CD2AP: variants seen among roughly 807,000 people sequenced by gnomAD.
CD2AP encodes the protein CD2-associated protein.
Under a neutral mutation model 85.1 loss-of-function variants are expected in CD2AP, and 46 were observed. That is an observed-to-expected ratio of 0.54 (90% confidence interval 0.43 to 0.69). The LOEUF is 0.69. Among genes scored for constraint, CD2AP ranks in the 30% least tolerant of loss-of-function variants. CD2AP has a pLI of 0.00. For missense variants in CD2AP, 769 were observed against 729.5 expected (o/e 1.05, Z -0.62); for synonymous variants, 255 against 252.9 (o/e 1.01, Z -0.08).
At chr6:47,581,946 T>G in intron 10 of CD2AP, 57 bp from the exon 11 acceptor site, 1 of 1,102,588 alleles carries the variant, frequency 9.1e-7, no homozygotes, top group Non-Finnish European at 1.4e-6. Context: ...AGAAGTGTAA[T>G]TGTCTCTGTG....
rs948956063 is a variant in CD2AP at position 47,582,005 on chromosome 6, C to T, written c.1048C>T (p.Pro350Ser). The T allele has an allele frequency of 2.4e-5, 38 of 1,601,026 alleles. No individual in the cohort carries two copies. Among genetic ancestry groups the T allele is most frequent in the Non-Finnish European group, 3.2e-5 (37 of 1,168,328 alleles). ...AGTATTAATGTTTTTTCCCATAGCTCCAAAGCCTGAACTGATAGCTGCAGA... is the reference window on the plus strand; with the variant it reads ...AGTATTAATGTTTTTTCCCATAGCTTCAAAGCCTGAACTGATAGCTGCAGA... ...KPPPPAKAPA[P>S]KPELIAAEKK... Residue 350 changes from proline (P) to serine (S), a missense_variant and splice_region_variant, in exon 11 of 18, where the codon CCA becomes TCA. By Grantham distance (74) the Pro-to-Ser change is moderately conservative. Coordinates refer to ENST00000359314, the MANE Select transcript of CD2AP (RefSeq NM_012120.3).
chr6:47,527,435 T>C (rs1253791613), intron 2 of CD2AP, among the ~76,000 whole-genome samples: 2 of 152,216 alleles, frequency 1.3e-5, no homozygotes, highest in African/African-American at 2.4e-5. Flanking sequence ...ATCAAGAATT[T>C]GGTGAAAGAA....
At chr6:47,563,024 A>G (rs920397414) in intron 5 of CD2AP, 1 of 350,812 alleles carries the variant, frequency 2.9e-6, no homozygotes, top group African/African-American at 2.1e-5. Context: ...AGAAATGAAC[A>G]AATAAAACTT....
At position 47,533,675 on chromosome 6, in the gene CD2AP, G is replaced by A; in HGVS notation, c.239G>A (p.Ser80Asn). ...IKRERHGNVA[S>N]LVQRISTYGL... is the part of the protein sequence containing the mutation. Reference sequence around the variant, plus strand: ...CGGGAAAGGCATGGGAATGTAGCAAGTCTTGTACAACGAATAAGCACCTAT... The same window carrying A: ...CGGGAAAGGCATGGGAATGTAGCAAATCTTGTACAACGAATAAGCACCTAT... The change falls in exon 3 of 18, where the codon AGT becomes AAT. Residue 80 changes from serine (S) to asparagine (N), a missense_variant. Transcript: ENST00000359314. The A allele has an allele frequency of 6.2e-7, 1 of 1,614,138 alleles. No individual in the cohort carries two copies. Among genetic ancestry groups the A allele is most frequent in the Non-Finnish European group, 8.5e-7 (1 of 1,179,998 alleles).
At chr6:47,593,118 T>C (rs1768846762) in intron 11 of CD2AP, among the ~76,000 whole-genome samples, 1 of 152,142 alleles carries the variant, frequency 6.6e-6, no homozygotes, top group Non-Finnish European at 1.5e-5. Context: ...TGGTGCCAGA[T>C]AATTGGTTGT....
At chr6:47,590,586 G>T (rs1431851850) in intron 11 of CD2AP, among the ~76,000 whole-genome samples, 1 of 152,094 alleles carries the variant, frequency 6.6e-6, no homozygotes, top group African/African-American at 2.4e-5. Context: ...CGCATATGAG[G>T]AGAGCCAACT....
At chr6:47,502,796 C>G (rs2113980743) in intron 1 of CD2AP, among the ~76,000 whole-genome samples, 1 of 152,024 alleles carries the variant, frequency 6.6e-6, no homozygotes, top group South Asian at 2.1e-4. Flanking sequence ...CTGGCCTGAA[C>G]TCCTGAGTTT....
intron 4 of CD2AP, among the ~76,000 whole-genome samples, chr6:47,553,073 G>T: frequency 6.6e-6 from 1 of 151,156 alleles, no homozygotes; most frequent in Non-Finnish European, 1.5e-5. Flanking sequence ...CTCTTAAATT[G>T]TATTGTAGCC....
At chr6:47,519,765 AT>A (rs1327048577) in intron 2 of CD2AP, among the ~76,000 whole-genome samples, 12 of 152,180 alleles carry the variant, frequency 7.9e-5, no homozygotes, top group Admixed American at 1.3e-4. Context: ...TAGTCAACAA[AT>A]TTTTTTGAAT....
intron 5 of CD2AP, among the ~76,000 whole-genome samples, chr6:47,557,668 C>T (rs529223277): frequency 1.9e-4 from 29 of 152,288 alleles, no homozygotes; most frequent in South Asian, 1.7e-3. Context: ...GGCCTCTGTT[C>T]TGTTCCATTG....
chr6:47,553,836 G>A (rs1186385548), intron 4 of CD2AP, among the ~76,000 whole-genome samples: 5 of 152,130 alleles, frequency 3.3e-5, no homozygotes, highest in Non-Finnish European at 5.9e-5. Flanking sequence ...TTGGAGGAAG[G>A]TGTTTAGTGG....
chr6:47,478,271 G>A, intron 1 of CD2AP, 23 bp downstream of exon 1: 2 of 1,567,400 alleles, frequency 1.3e-6, no homozygotes, highest in Non-Finnish European at 1.7e-6. Context: ...GGCGCTTCCC[G>A]CCGCCCGTCC....
intron 5 of CD2AP, among the ~76,000 whole-genome samples, chr6:47,566,989 T>C (rs1189070224): frequency 6.6e-6 from 1 of 152,148 alleles, no homozygotes; most frequent in East Asian, 1.9e-4. Context: ...AAGATTAATG[T>C]CACTCCCATT....
At chr6:47,529,284 TTGA>T (rs1766810432) in intron 2 of CD2AP, among the ~76,000 whole-genome samples, 1 of 149,512 alleles carries the variant, frequency 6.7e-6, no homozygotes, top group South Asian at 2.2e-4. Flanking sequence ...TGTTGTAATG[TTGA>T]TGAAAAAAAA....
At chr6:47,570,050 C>G (rs1018206658) in intron 5 of CD2AP, among the ~76,000 whole-genome samples, 4 of 152,134 alleles carry the variant, frequency 2.6e-5, no homozygotes, top group African/African-American at 9.7e-5. Flanking sequence ...GCATGATCGA[C>G]TTACAAAATC....
intron 1 of CD2AP, among the ~76,000 whole-genome samples, chr6:47,486,444 G>A (rs936566241): frequency 3.3e-5 from 5 of 152,078 alleles, no homozygotes; most frequent in African/African-American, 1.2e-4. Flanking sequence ...GAGAGTATAG[G>A]GTCAGTGTCA....
At chr6:47,489,471 C>T (rs1186398301) in intron 1 of CD2AP, among the ~76,000 whole-genome samples, 4 of 151,986 alleles carry the variant, frequency 2.6e-5, no homozygotes, top group East Asian at 1.9e-4. Context: ...CCACCGTGCC[C>T]GGCTGCACTC....
chr6:47,611,433 C>A (rs985689627), intron 16 of CD2AP, among the ~76,000 whole-genome samples: 1 of 151,694 alleles, frequency 6.6e-6, no homozygotes, highest in Non-Finnish European at 1.5e-5. Context: ...ATCCAAGGTA[C>A]TGGTAATATT....
intron 1 of CD2AP, among the ~76,000 whole-genome samples, chr6:47,494,443 G>T (rs963716935): frequency 2.0e-5 from 3 of 152,174 alleles, no homozygotes; most frequent in African/African-American, 7.2e-5. Flanking sequence ...TTAAATCTCT[G>T]TTTTTTAGTG....
Sources: gnomAD v4.1 joint callset for allele counts (sites outside exome capture counted in the v4.1 genomes callset) on GRCh38, gnomAD v4.1.1 for gene constraint, MANE v1.5 for transcripts, NCBI Gene and HGNC (gene_info 2026-07-23, HGNC 2026-07-21) for gene names.